Variants in RRAS2 observed in about 807,000 individuals in gnomAD.
RRAS2 encodes the protein ras-related protein R-Ras2.
Under a neutral mutation model 27.6 loss-of-function variants are expected in RRAS2, and 7 were observed. The observed-to-expected ratio is 0.25, with a 90% CI of 0.14 to 0.48. The LOEUF (loss-of-function observed/expected upper bound fraction) is 0.48, where lower values mean the gene tolerates loss of function less well. Ranked by LOEUF, RRAS2 falls within the 20% of genes least tolerant of loss-of-function variation. RRAS2 has a pLI of 0.99. For missense variants in RRAS2, 178 were observed against 256.2 expected (o/e 0.69, Z 2.08); for synonymous variants, 86 against 90.9 (o/e 0.95, Z 0.31).
chr11:14,342,495 T>C (rs1344486085), intron 1 of RRAS2, among the ~76,000 whole-genome samples: 2 of 152,186 alleles, frequency 1.3e-5, no homozygotes, highest in Non-Finnish European at 2.9e-5. Flanking sequence ...CATAGGTACC[T>C]GCTCCTAATT....
rs1231640004 is a variant in RRAS2 at position 14,337,732 on chromosome 11, G to C, written c.108+21031C>G. On this transcript the variant is annotated intron_variant, in intron 1 of 5. Transcript: ENST00000256196. ...ATCCACAGTTTCAGGCATCTGCGGG[G>C]GTTGAAATATATAGCCCTTGCAGGT... 4.6e-5 allele frequency among the ~76,000 whole-genome samples: 7 copies of C among 151,924 alleles called. No individual in the cohort carries two copies. In the East Asian group the frequency reaches 1.3e-3, roughly 29 times the overall value.
At chr11:14,345,624 G>A (rs530559559) in intron 1 of RRAS2, among the ~76,000 whole-genome samples, 1 of 152,138 alleles carries the variant, frequency 6.6e-6, no homozygotes, top group Non-Finnish European at 1.5e-5. Context: ...TCTTCCACTT[G>A]CCTCACTGCA....
At chr11:14,335,398 C>A (rs1358788528) in intron 1 of RRAS2, among the ~76,000 whole-genome samples, 1 of 152,146 alleles carries the variant, frequency 6.6e-6, no homozygotes, top group African/African-American at 2.4e-5. Context: ...ATGGCAGCCC[C>A]TGAAGCATCT....
At chr11:14,324,757 T>C (rs944988580) in intron 1 of RRAS2, among the ~76,000 whole-genome samples, 31 of 152,256 alleles carry the variant, frequency 2.0e-4, no homozygotes, top group Non-Finnish European at 1.6e-4. Context: ...AAACTTATCC[T>C]ACCCTCTACG....
intron 1 of RRAS2, among the ~76,000 whole-genome samples, chr11:14,322,647 T>G (rs1342045936): frequency 1.3e-5 from 2 of 152,240 alleles, no homozygotes; most frequent in Non-Finnish European, 2.9e-5. Flanking sequence ...CGTATGTTAT[T>G]GGCTAAATAC....
intron 1 of RRAS2, among the ~76,000 whole-genome samples, chr11:14,338,003 G>A (rs1417545083): frequency 2.0e-5 from 3 of 152,008 alleles, no homozygotes; most frequent in East Asian, 1.9e-4. Context: ...TTTCCTTCTC[G>A]AGTTTTCTAT....
chr11:14,326,074 C>T (rs1848350323), intron 1 of RRAS2, among the ~76,000 whole-genome samples: 1 of 152,104 alleles, frequency 6.6e-6, no homozygotes. Flanking sequence ...TGTACTAGAA[C>T]CCCTTTGAGA....
At chr11:14,319,383 G>A (rs1442397960) in intron 1 of RRAS2, among the ~76,000 whole-genome samples, 2 of 112,026 alleles carry the variant, frequency 1.8e-5, no homozygotes, top group Non-Finnish European at 3.3e-5. Context: ...ACGGAGTCTC[G>A]CTCTGTCGCC....
At chr11:14,296,829 G>A (rs1468183707) in intron 1 of RRAS2, among the ~76,000 whole-genome samples, 1 of 151,298 alleles carries the variant, frequency 6.6e-6, no homozygotes, top group Non-Finnish European at 1.5e-5. Context: ...ATAAAAAAAA[G>A]GGGGGGGACA....
intron 5 of RRAS2, among the ~76,000 whole-genome samples, chr11:14,280,725 C>CAAAA (rs1849505096): frequency 3.3e-5 from 1 of 30,726 alleles, no homozygotes; most frequent in Non-Finnish European, 5.0e-5. Flanking sequence ...AACTCTGTTT[C>CAAAA]CAAAAAAAAA....
intron 1 of RRAS2, among the ~76,000 whole-genome samples, chr11:14,324,530 T>C (rs1848305166): frequency 6.6e-6 from 1 of 152,056 alleles, no homozygotes; most frequent in Non-Finnish European, 1.5e-5. Context: ...CCAATTTAAA[T>C]TTGTTTTAAC....
At chr11:14,306,891 T>TAAAAAAAAAAAAA (rs11287532) in intron 1 of RRAS2, among the ~76,000 whole-genome samples, 1 of 133,184 alleles carries the variant, frequency 7.5e-6, no homozygotes. Context: ...TGTGCCAAGA[T>TAAAAAAAAAAAAA]AAAAAAAAAA....
chr11:14,339,533 CTT>C (rs1184068476), intron 1 of RRAS2, among the ~76,000 whole-genome samples: 5 of 152,128 alleles, frequency 3.3e-5, no homozygotes, highest in African/African-American at 1.2e-4. Context: ...CCAACTGAAA[CTT>C]AGCACTTCCT....
In RRAS2 at chr11:14,358,733, C is replaced by T. The variant is rs539805663; in HGVS notation, c.108+30G>A. ...CGCCAGCCCCCGCCCGCCGCCGCTC[C>T]GGCGCCCCGGGCAGGCCCGCTCCAG... is the stretch of plus-strand genomic sequence containing the variant. On this transcript the variant is annotated intron_variant, in intron 1 of 5. Transcript: ENST00000256196. The surrounding 1 kb of genome is among the most constrained non-coding windows in gnomAD (Gnocchi z 5.1). 9.5e-6 allele frequency: 12 copies of T among 1,266,230 alleles called. No individual in the cohort carries two copies. The South Asian group carries it at 2.1e-4, about 22-fold the overall frequency. The allele number at this position is 1,266,230 out of a possible 1,614,324, so 78.4% of individuals were successfully genotyped here.
chr11:14,357,426 T>C (rs1350479969), intron 1 of RRAS2, among the ~76,000 whole-genome samples: 1 of 152,216 alleles, frequency 6.6e-6, no homozygotes, highest in African/African-American at 2.4e-5. Context: ...CATCCCTGAT[T>C]CTGTAGCCTG....
intron 1 of RRAS2, among the ~76,000 whole-genome samples, chr11:14,347,869 G>GA (rs11350875): frequency 8.6e-5 from 13 of 150,458 alleles, no homozygotes; most frequent in Admixed American, 3.3e-4. Context: ...AATTCCAGTA[G>GA]AAAAAAAAAA....
At chr11:14,298,140 A>C (rs983290212) in intron 1 of RRAS2, among the ~76,000 whole-genome samples, 1 of 152,202 alleles carries the variant, frequency 6.6e-6, no homozygotes, top group African/African-American at 2.4e-5. Flanking sequence ...TTCACAAGCA[A>C]ATTGGATAAA....
chr11:14,299,594 T>C (rs1847644427), intron 1 of RRAS2, among the ~76,000 whole-genome samples: 1 of 152,208 alleles, frequency 6.6e-6, no homozygotes, highest in African/African-American at 2.4e-5. Context: ...CAAAGCCTCA[T>C]TCCCACTACT....
Position 14,294,842 on chromosome 11 carries a change from C to T in RRAS2, c.217G>A (p.Glu73Lys). Residue 73 changes from glutamate to lysine, a missense_variant, in exon 3 of 6, where the codon GAA (glutamate) becomes AAA (lysine). Physicochemically the swap from Glu to Lys is moderately conservative, Grantham distance 56. Transcript: ENST00000256196. ...RLDILDTAGQ[E>K]EFGAMREQYM... is the part of the protein sequence containing the mutation. ...TGTTCTCTCATGGCTCCAAACTCTT[C>T]TTGTCCTGCTGTATCCAAAACTAAA... 1 of 1,613,736 alleles carries T rather than the reference C, an allele frequency of 6.2e-7. No individual in the cohort carries two copies. The highest frequency in any genetic ancestry group is 8.5e-7 in the Non-Finnish European group (1 of 1,179,828).
Sources: gnomAD v4.1 joint callset for allele counts (sites outside exome capture counted in the v4.1 genomes callset) on GRCh38, gnomAD v4.1.1 for gene constraint, Gnocchi (gnomAD v3.1) non-coding constraint, MANE v1.5 for transcripts, NCBI Gene and HGNC (gene_info 2026-07-23, HGNC 2026-07-21) for gene names.